Variants in SNTG1 observed in about 807,000 individuals in gnomAD.
The protein encoded by SNTG1 is gamma-1-syntrophin.
SNTG1 carries 39 observed loss-of-function variants against 74.7 expected under a neutral mutation model. The observed-to-expected ratio is 0.52, with a 90% CI of 0.40 to 0.68. SNTG1 has a LOEUF of 0.68. SNTG1 is among the 30% of genes least tolerant of loss of function. The pLI, the probability that SNTG1 is intolerant of heterozygous loss-of-function variation, is 0.00. For synonymous variants in SNTG1, 254 were observed against 217.1 expected (o/e 1.17, Z -1.49); for missense variants, 685 against 609.5 (o/e 1.12, Z -1.30).
At chr8:50,789,125 C>A (rs1352564505) in intron 18 of SNTG1, among the ~76,000 whole-genome samples, 2 of 151,870 alleles carry the variant, frequency 1.3e-5, no homozygotes, top group Admixed American at 1.3e-4. Flanking sequence ...CCTGTAGTAA[C>A]TCTAATACCT....
At chr8:50,322,025 G>T (rs1053305037) in intron 2 of SNTG1, among the ~76,000 whole-genome samples, 1 of 152,012 alleles carries the variant, frequency 6.6e-6, no homozygotes, top group Non-Finnish European at 1.5e-5. Flanking sequence ...ACTTTTACCA[G>T]TGAGTTTTGT....
chr8:50,465,659 AG>A (rs1421555074), intron 8 of SNTG1, among the ~76,000 whole-genome samples: 1 of 152,168 alleles, frequency 6.6e-6, no homozygotes, highest in Non-Finnish European at 1.5e-5. Flanking sequence ...CTGTTTCTGT[AG>A]TTTTTCCTTT....
chr8:50,020,445 C>T (rs1816720787), intron 1 of SNTG1, among the ~76,000 whole-genome samples: 2 of 152,144 alleles, frequency 1.3e-5, no homozygotes, highest in South Asian at 2.1e-4. Flanking sequence ...TATTAATTAC[C>T]TTTGTGAATA....
chr8:50,686,051 A>C (rs952781170), intron 15 of SNTG1, among the ~76,000 whole-genome samples: 2 of 152,182 alleles, frequency 1.3e-5, no homozygotes, highest in African/African-American at 4.8e-5. Context: ...TATTTCAATT[A>C]TGGTAAATGT....
intron 2 of SNTG1, among the ~76,000 whole-genome samples, chr8:50,224,871 C>T (rs968997354): frequency 2.6e-5 from 4 of 152,196 alleles, no homozygotes. Flanking sequence ...GCAAGGCTGT[C>T]TCTTCTGGGG....
intron 18 of SNTG1, among the ~76,000 whole-genome samples, chr8:50,778,066 T>G (rs1031448367): frequency 6.6e-6 from 1 of 152,196 alleles, no homozygotes; most frequent in Non-Finnish European, 1.5e-5. Flanking sequence ...TATTCCATGG[T>G]GTATATGTGC....
intron 2 of SNTG1, among the ~76,000 whole-genome samples, chr8:50,285,873 G>T (rs562641096): frequency 1.3e-5 from 2 of 149,722 alleles, no homozygotes; most frequent in African/African-American, 2.4e-5. Context: ...ATTATAGCAA[G>T]TATAAAACAT....
At chr8:50,758,190 T>C (rs1231665928) in intron 18 of SNTG1, among the ~76,000 whole-genome samples, 2 of 151,900 alleles carry the variant, frequency 1.3e-5, no homozygotes, top group African/African-American at 4.8e-5. Context: ...GGTATATTAA[T>C]CATAGTTGTT....
At chr8:49,983,111 A>C (rs897674579) in intron 1 of SNTG1, among the ~76,000 whole-genome samples, 15 of 152,332 alleles carry the variant, frequency 9.8e-5, no homozygotes, top group South Asian at 4.1e-4. Context: ...CATTTCATGG[A>C]CCGTAAAACC....
At chr8:50,008,976 C>T (rs1815509457) in intron 1 of SNTG1, among the ~76,000 whole-genome samples, 1 of 152,120 alleles carries the variant, frequency 6.6e-6, no homozygotes, top group African/African-American at 2.4e-5. Flanking sequence ...TTTCATTCTT[C>T]AATCCCACAG....
chr8:50,740,667 C>A (rs1336417562), intron 17 of SNTG1, among the ~76,000 whole-genome samples: 1 of 151,976 alleles, frequency 6.6e-6, no homozygotes, highest in Non-Finnish European at 1.5e-5. Flanking sequence ...ATAGATTGTT[C>A]TATCATAAAG....
At chr8:49,941,816 A>C (rs748285773) in intron 1 of SNTG1, among the ~76,000 whole-genome samples, 12 of 152,330 alleles carry the variant, frequency 7.9e-5, no homozygotes, top group Non-Finnish European at 1.6e-4. Context: ...TCTGTCTAGA[A>C]GGATATAAAT....
Position 50,187,232 on chromosome 8 carries a change from A to C in SNTG1, c.-28+14597A>C, listed in dbSNP as rs527596808. Among the ~76,000 whole-genome samples, 91 of 152,268 alleles carry C rather than the reference A, an allele frequency of 6.0e-4. 3 individuals are homozygous for C. The South Asian group carries it at 0.019, about 32-fold the overall frequency. On this transcript the variant is annotated intron_variant, in intron 2 of 18. Coordinates refer to ENST00000642720, the MANE Select transcript of SNTG1 (RefSeq NM_018967.5). ...AAGACAATCCCATGTCAAAAGAACAAAGCTGGAGGCACCCTGCTACCTGAC... is the reference window on the plus strand; with the variant it reads ...AAGACAATCCCATGTCAAAAGAACACAGCTGGAGGCACCCTGCTACCTGAC...
At chr8:49,985,302 G>C (rs1384977759) in intron 1 of SNTG1, among the ~76,000 whole-genome samples, 2 of 152,046 alleles carry the variant, frequency 1.3e-5, no homozygotes, top group Non-Finnish European at 2.9e-5. Context: ...GCCATGCCTG[G>C]CTATTTTTAA....
At chr8:49,959,201 G>A (rs183119198) in intron 1 of SNTG1, among the ~76,000 whole-genome samples, 72 of 152,274 alleles carry the variant, frequency 4.7e-4, no homozygotes, top group Non-Finnish European at 9.9e-4. Flanking sequence ...GAAAATGTAC[G>A]GGTGCCAAGG....
chr8:50,480,793 C>T (rs959517350), intron 8 of SNTG1, among the ~76,000 whole-genome samples: 3 of 151,948 alleles, frequency 2.0e-5, no homozygotes, highest in Non-Finnish European at 4.4e-5. Flanking sequence ...ACTTTCACAA[C>T]AGAAATCAGC....
At chr8:50,328,173 CT>C (rs147401143) in intron 2 of SNTG1, among the ~76,000 whole-genome samples, 9,919 of 152,174 alleles carry the variant, frequency 0.065, 350 homozygotes, top group African/African-American at 0.071. Flanking sequence ...TATCATTTTA[CT>C]TCACTCTTAA....
At chr8:50,128,716 C>T in intron 1 of SNTG1, among the ~76,000 whole-genome samples, 1 of 151,934 alleles carries the variant, frequency 6.6e-6, no homozygotes, top group East Asian at 1.9e-4. Flanking sequence ...AGTAAGTTAA[C>T]TTAAGTTCTT....
chr8:50,528,654 A>G (rs1347325345), intron 9 of SNTG1, among the ~76,000 whole-genome samples: 1 of 151,168 alleles, frequency 6.6e-6, no homozygotes, highest in African/African-American at 2.4e-5. Flanking sequence ...TTTTTAATGT[A>G]TTTGTTCACT....
Sources: gnomAD v4.1 joint callset for allele counts (sites outside exome capture counted in the v4.1 genomes callset) on GRCh38, gnomAD v4.1.1 for gene constraint, MANE v1.5 for transcripts, NCBI Gene and HGNC (gene_info 2026-07-23, HGNC 2026-07-21) for gene names.